The following LARGE1 variants were observed in gnomAD, a reference collection of about 807,000 sequenced individuals.
The protein encoded by LARGE1 is LARGE xylosyl- and glucuronyltransferase 1, also known as xylosyl- and glucuronyltransferase LARGE1.
LARGE1 carries 43 observed loss-of-function variants against 87.6 expected under a neutral mutation model. The ratio of observed to expected loss-of-function variants is 0.49; its 90% confidence interval spans 0.38 to 0.63. LARGE1 has a LOEUF of 0.63. LARGE1 is among the 30% of genes least tolerant of loss of function. The pLI is 0.00. For missense variants in LARGE1, 802 were observed against 1,000.2 expected, an observed-to-expected ratio of 0.80 and a Z score of 2.67; for synonymous variants, 434 against 394.6, an observed-to-expected ratio of 1.10 and a Z score of -1.18.
intron 6 of LARGE1, among the ~76,000 whole-genome samples, chr22:33,477,603 T>C (rs566780399): frequency 7.9e-5 from 12 of 152,188 alleles, no homozygotes; most frequent in Non-Finnish European, 1.3e-4. Flanking sequence ...CCCCCAGCCA[T>C]GCACACACGC....
intron 11 of LARGE1, among the ~76,000 whole-genome samples, chr22:33,210,524 C>T (rs1298030974): frequency 1.3e-5 from 2 of 152,214 alleles, no homozygotes; most frequent in African/African-American, 4.8e-5. Flanking sequence ...GGGAGGTCCT[C>T]CTTGAACTCA....
chr22:33,477,970 T>C (rs562068191), intron 6 of LARGE1, among the ~76,000 whole-genome samples: 15 of 152,314 alleles, frequency 9.8e-5, no homozygotes, highest in African/African-American at 2.9e-4. Flanking sequence ...CTCCTTCCTT[T>C]TCCTGGAAGC....
chr22:33,483,008 C>T (rs1397176117), intron 6 of LARGE1, among the ~76,000 whole-genome samples: 1 of 152,156 alleles, frequency 6.6e-6, no homozygotes, highest in South Asian at 2.1e-4. Context: ...TGGAAGCAAA[C>T]CAACCAATGT....
chr22:33,622,787 A>T (rs1449336531), intron 4 of LARGE1, among the ~76,000 whole-genome samples: 1 of 152,222 alleles, frequency 6.6e-6, no homozygotes, highest in Non-Finnish European at 1.5e-5. Flanking sequence ...GCTCAGCATA[A>T]CAAATGGGAT....
intron 11 of LARGE1, among the ~76,000 whole-genome samples, chr22:33,212,414 T>C (rs181469966): frequency 6.6e-6 from 1 of 152,334 alleles, no homozygotes; most frequent in African/African-American, 2.4e-5. Flanking sequence ...CTGAATATTT[T>C]AAGCCCAGTG....
chr22:33,344,712 AG>A (rs1456437062), intron 9 of LARGE1, among the ~76,000 whole-genome samples: 1 of 151,934 alleles, frequency 6.6e-6, no homozygotes, highest in African/African-American at 2.4e-5. Context: ...CTTGAGGGAA[AG>A]AATCACCCAT....
At chr22:33,309,429 A>C (rs960982899) in intron 11 of LARGE1, among the ~76,000 whole-genome samples, 4 of 152,106 alleles carry the variant, frequency 2.6e-5, no homozygotes, top group Non-Finnish European at 5.9e-5. Flanking sequence ...GGCCTCCCAA[A>C]GTACTGGGAT....
chr22:33,639,208 T>C (rs2080358081), intron 3 of LARGE1, among the ~76,000 whole-genome samples: 1 of 152,154 alleles, frequency 6.6e-6, no homozygotes, highest in Non-Finnish European at 1.5e-5. Flanking sequence ...AACTAGCCCA[T>C]GCAGAGACCA....
chr22:33,355,046 A>G (rs978080867), intron 9 of LARGE1, among the ~76,000 whole-genome samples: 8 of 152,218 alleles, frequency 5.3e-5, no homozygotes, highest in African/African-American at 1.9e-4. Context: ...TACCACAGTA[A>G]AAATATGTTT....
At chr22:33,685,244 T>C (rs1450652678) in intron 2 of LARGE1, among the ~76,000 whole-genome samples, 1 of 152,160 alleles carries the variant, frequency 6.6e-6, no homozygotes, top group East Asian at 1.9e-4. Flanking sequence ...CAGGGGGTAT[T>C]AATATACAAA....
chr22:33,177,768 A>G (rs1922952949), intron 11 of LARGE1, among the ~76,000 whole-genome samples: 1 of 152,190 alleles, frequency 6.6e-6, no homozygotes, highest in Admixed American at 6.5e-5. Context: ...CTCACTTGAT[A>G]TGGTTTGACT....
At chr22:33,706,290 A>C (rs933439269) in intron 2 of LARGE1, among the ~76,000 whole-genome samples, 1 of 152,030 alleles carries the variant, frequency 6.6e-6, no homozygotes, top group African/African-American at 2.4e-5. Flanking sequence ...CCACACCCCC[A>C]CACAAGCCTC....
In LARGE1 at chr22:33,486,133, G is replaced by T. The variant is rs148793146; in HGVS notation, c.788-53868C>A. Among the ~76,000 whole-genome samples the T allele has an allele frequency of 2.9e-3, 448 of 152,354 alleles. 2 individuals carry two copies. The highest frequency in any genetic ancestry group is 0.024 in the Middle Eastern group (7 of 294). ...ATTCTGAGACTTGGCTCTCGTGTCA[G>T]CTCTGCTGCTAACTCTCTGGGTGAT... On this transcript the variant is annotated intron_variant, in intron 6 of 14. Transcript: ENST00000397394.
At chr22:33,129,984 T>C in the LARGE1 span, among the ~76,000 whole-genome samples, 1 of 152,298 alleles carries the variant, frequency 6.6e-6, no homozygotes, top group African/African-American at 2.4e-5. Flanking sequence ...AAAGCGTATG[T>C]GAGCTCTATT....
chr22:33,294,186 C>T (rs1448875374), intron 12 of LARGE1, among the ~76,000 whole-genome samples: 1 of 152,254 alleles, frequency 6.6e-6, no homozygotes, highest in Non-Finnish European at 1.5e-5. Context: ...AATGCCCGTG[C>T]TGACTTCTTT....
At chr22:33,394,139 T>C (rs1196304003) in intron 7 of LARGE1, among the ~76,000 whole-genome samples, 2 of 150,934 alleles carry the variant, frequency 1.3e-5, no homozygotes, top group Non-Finnish European at 2.9e-5. Flanking sequence ...ATACCTACTA[T>C]TTATCAAGCA....
At chr22:33,118,130 T>C in the LARGE1 span, among the ~76,000 whole-genome samples, 1,319 of 152,066 alleles carry the variant, frequency 8.7e-3, 12 homozygotes, top group African/African-American at 0.03. Context: ...CCAAACTATA[T>C]CCCAGCAAGG....
chr22:33,426,261 C>T (rs541568157), intron 7 of LARGE1, among the ~76,000 whole-genome samples: 2 of 152,264 alleles, frequency 1.3e-5, no homozygotes, highest in South Asian at 2.1e-4. Flanking sequence ...CTTGGTATCA[C>T]CCATTTAAAA....
At chr22:33,714,548 T>C (rs1438513319) in intron 2 of LARGE1, among the ~76,000 whole-genome samples, 2 of 152,122 alleles carry the variant, frequency 1.3e-5, no homozygotes, top group East Asian at 3.9e-4. Flanking sequence ...AAATGCCAAA[T>C]TAAGAACTGT....
Sources: allele counts gnomAD v4.1 joint callset (sites outside exome capture counted in the v4.1 genomes callset), GRCh38; gene constraint gnomAD v4.1.1; transcripts MANE v1.5; gene names NCBI Gene and HGNC (gene_info 2026-07-23, HGNC 2026-07-21).